MCM9: variants seen among roughly 807,000 people sequenced by gnomAD.
MCM9 encodes minichromosome maintenance 9 homologous recombination repair factor.
MCM9 carries 55 observed loss-of-function variants against 72.8 expected under a neutral mutation model. The observed-to-expected ratio is 0.76, with a 90% CI of 0.61 to 0.95. The LOEUF is 0.95. Among genes scored for constraint, MCM9 ranks in the 40% least tolerant of loss-of-function variants. MCM9 has a pLI of 0.00. For missense variants in MCM9, 1,279 were observed against 1,377.0 expected (o/e 0.93, Z 1.13); for synonymous variants, 480 against 503.4 (o/e 0.95, Z 0.62).
chr6:118,847,978 T>C (rs1019544389), intron 9 of MCM9, among the ~76,000 whole-genome samples: 4 of 151,860 alleles, frequency 2.6e-5, no homozygotes, highest in African/African-American at 9.7e-5. Context: ...CAAGTGTCAA[T>C]GCTATGAAAA....
chr6:118,911,090 A>G, intron 8 of MCM9: 1 of 985,034 alleles, frequency 1.0e-6, no homozygotes, highest in Non-Finnish European at 1.2e-6. Context: ...CTTTATTTAT[A>G]ATCAAATCTT....
At chr6:118,848,649 C>T (rs1386656192) in intron 9 of MCM9, among the ~76,000 whole-genome samples, 1 of 149,470 alleles carries the variant, frequency 6.7e-6, no homozygotes, top group Non-Finnish European at 1.5e-5. Flanking sequence ...TGCAGCCAGG[C>T]GCAGTGGCTC....
Position 118,932,711 on chromosome 6 carries a change from T to C in MCM9, c.-120A>G, listed in dbSNP as rs143951240. ...GTTTCCTTCTTTCTCTTTCTTACCG[T>C]AGGAAATCTACTGGGTTCTGCAGAA... On this transcript the variant is annotated 5_prime_UTR_variant, in exon 2 of 14. Coordinates refer to ENST00000619706, the MANE Select transcript of MCM9 (RefSeq NM_017696.3). 6.4e-5 allele frequency: 42 copies of C among 660,032 alleles called. No homozygotes were observed. The African/African-American group carries it at 7.6e-4, about 12-fold the overall frequency. 40.9% of individuals were successfully genotyped at this position (660,032 alleles called of 1,614,324 possible).
rs78399416 is a variant in MCM9, at chr6:118,898,830, C to T, written c.1150+12820G>A. On this transcript the variant is annotated intron_variant, in intron 8 of 13. Coordinates refer to ENST00000619706, the MANE Select transcript of MCM9 (RefSeq NM_017696.3). ...CTTTTGGGTCACCTACCTCATTTGC[C>T]ACTTGTTTTGTAACTTAATTTGTCC... 5.0e-3 allele frequency among the ~76,000 whole-genome samples: 762 copies of T among 152,272 alleles called. 7 individuals are homozygous for T. Among genetic ancestry groups the T allele is most frequent in the African/African-American group, 0.018 (738 of 41,550 alleles).
At chr6:118,841,459 G>T (rs1775360536) in intron 9 of MCM9, among the ~76,000 whole-genome samples, 1 of 152,178 alleles carries the variant, frequency 6.6e-6, no homozygotes, top group Non-Finnish European at 1.5e-5. Context: ...GAAAGCAGAG[G>T]CAAACAGGGT....
At position 118,817,760 on chromosome 6, in the gene MCM9, G is replaced by A. The variant is rs533903249; in HGVS notation, c.1962-1466C>T. On this transcript the variant is annotated intron_variant, in intron 13 of 13. Coordinates refer to ENST00000619706, the MANE Select transcript of MCM9 (RefSeq NM_017696.3). ...ACTAATTTACACTCCCACCAACAAC[G>A]TAGAAGCATTCCTATTTCTCCACAG... is the stretch of plus-strand genomic sequence containing the variant. 2.4e-3 allele frequency among the ~76,000 whole-genome samples: 368 copies of A among 152,282 alleles called. 1 individual carries two copies. The highest frequency in any genetic ancestry group is 8.5e-3 in the African/African-American group (354 of 41,564).
At chr6:118,923,172 G>A (rs956913736) in intron 4 of MCM9, among the ~76,000 whole-genome samples, 3 of 151,812 alleles carry the variant, frequency 2.0e-5, no homozygotes, top group East Asian at 1.9e-4. Flanking sequence ...TTTAAGCTGC[G>A]AGCAAATGAA....
intron 9 of MCM9, among the ~76,000 whole-genome samples, chr6:118,843,044 G>A (rs1041745263): frequency 1.3e-5 from 2 of 152,148 alleles, no homozygotes; most frequent in African/African-American, 4.8e-5. Context: ...ACATTTAGTA[G>A]GCTCTAGGCA....
At position 118,815,187 on chromosome 6, in the gene MCM9, C is replaced by G; in HGVS notation, c.3069G>C (p.Gly1023=). The change falls in exon 14 of 14, where the codon GGG becomes GGC. Residue 1023 remains glycine, a synonymous_variant. Transcript: ENST00000619706. ...TAAGATGAGCACACCCAGTCTCGTT[C>G]CCAAGCTCTAATTCAGGCTGAATAA... The part of the protein sequence containing the change: ...KRIIQPELEL[G]NETGCAHLTC... The G allele has an allele frequency of 6.4e-7, 1 of 1,550,530 alleles. No individual in the cohort carries two copies. Among genetic ancestry groups the G allele is most frequent in the Non-Finnish European group, 8.7e-7 (1 of 1,146,968 alleles).
At chr6:118,905,782 A>C (rs756858057) in intron 8 of MCM9, 1 of 1,612,050 alleles carries the variant, frequency 6.2e-7, no homozygotes, top group Non-Finnish European at 8.5e-7. Context: ...GAATATACTG[A>C]GACAGAATTA....
At chr6:118,860,992 C>T (rs958105390) in intron 8 of MCM9, among the ~76,000 whole-genome samples, 9 of 152,186 alleles carry the variant, frequency 5.9e-5, no homozygotes, top group Non-Finnish European at 1.3e-4. Flanking sequence ...GCCCAGCAGG[C>T]TGCGCTTGGC....
chr6:118,892,544 GT>G (rs1391399754), intron 8 of MCM9, among the ~76,000 whole-genome samples: 1 of 152,208 alleles, frequency 6.6e-6, no homozygotes, highest in Admixed American at 6.5e-5. Flanking sequence ...TCTCACAGGA[GT>G]TTTAATCTTC....
intron 13 of MCM9, among the ~76,000 whole-genome samples, chr6:118,819,088 CT>C (rs199663781): frequency 0.039 from 5,902 of 152,212 alleles, 253 homozygotes; most frequent in African/African-American, 0.11. Flanking sequence ...AGCTTCCTCT[CT>C]TCCTATATGA....
intron 8 of MCM9, among the ~76,000 whole-genome samples, chr6:118,868,138 G>A (rs991329507): frequency 1.3e-5 from 2 of 152,060 alleles, no homozygotes; most frequent in Non-Finnish European, 2.9e-5. Flanking sequence ...GCCTCCCAAA[G>A]TGCTGGGATT....
intron 8 of MCM9, chr6:118,905,792 A>G: frequency 6.2e-7 from 1 of 1,610,286 alleles, no homozygotes; most frequent in South Asian, 1.1e-5. Context: ...AGACAGAATT[A>G]AGGGAAAATC....
chr6:118,860,616 C>T (rs1215316320), intron 8 of MCM9, among the ~76,000 whole-genome samples: 1 of 152,056 alleles, frequency 6.6e-6, no homozygotes, highest in Non-Finnish European at 1.5e-5. Flanking sequence ...TCAGAGAACA[C>T]CAGCAAAATG....
intron 8 of MCM9, among the ~76,000 whole-genome samples, chr6:118,896,082 C>A (rs1779390615): frequency 6.7e-6 from 1 of 148,850 alleles, no homozygotes; most frequent in South Asian, 2.2e-4. Context: ...CATAAATGCA[C>A]ATACATATAT....
intron 7 of MCM9, 60 bp downstream of exon 7, chr6:118,913,235 A>G: frequency 3.2e-6 from 5 of 1,581,484 alleles, no homozygotes; most frequent in Non-Finnish European, 4.3e-6. Context: ...TTGGGAAAGA[A>G]AAAGTTCTAG....
At chr6:118,885,792 G>T (rs1442577966) in intron 8 of MCM9, among the ~76,000 whole-genome samples, 1 of 152,012 alleles carries the variant, frequency 6.6e-6, no homozygotes, top group Non-Finnish European at 1.5e-5. Context: ...AGAAAAGAGG[G>T]AGAAGCACTT....
Sources: gnomAD v4.1 joint callset for allele counts (sites outside exome capture counted in the v4.1 genomes callset) on GRCh38, gnomAD v4.1.1 for gene constraint, MANE v1.5 for transcripts, NCBI Gene and HGNC (gene_info 2026-07-23, HGNC 2026-07-21) for gene names.